Variants in ADGRG3 observed in about 807,000 individuals in gnomAD.
ADGRG3 encodes the protein G protein-coupled receptor 97.
ADGRG3 carries 39 observed loss-of-function variants against 54.3 expected under a neutral mutation model. The ratio of observed to expected loss-of-function variants is 0.72; its 90% CI spans 0.56 to 0.94. ADGRG3 has a LOEUF of 0.94. Among genes scored for constraint, ADGRG3 ranks in the 40% least tolerant of loss-of-function variants. ADGRG3 has a pLI of 0.00. For missense variants in ADGRG3, 654 were observed against 694.6 expected (o/e 0.94, Z 0.66); for synonymous variants, 312 against 290.0 (o/e 1.08, Z -0.77).
intron 2 of ADGRG3, among the ~76,000 whole-genome samples, 158 bp from the exon 3 acceptor site, chr16:57,676,042 G>A (rs554617585): frequency 1.3e-4 from 20 of 152,332 alleles, no homozygotes; most frequent in African/African-American, 4.3e-4. Context: ...TTCTGCAGGA[G>A]CAGCCTGGAC....
rs564495973 is a variant in ADGRG3, at chr16:57,682,667, C to T, written c.882-1265C>T. The stretch of plus-strand genomic sequence containing the variant: ...CCCAGATGCTCCTCCAGGAAGCCCC[C>T]GGCTCCCCTCCCTCGGCTGAGAGCC... On this transcript the variant is annotated intron_variant, in intron 8 of 11. Transcript: ENST00000333493. The T allele has an allele frequency of 2.4e-5, 24 of 981,202 alleles. No homozygotes were observed. In the East Asian group the frequency reaches 3.4e-4, roughly 14 times the overall value. The allele number at this position is 981,202 out of a possible 1,614,324, so 60.8% of individuals were successfully genotyped here. A position where few individuals can be genotyped will look rare whatever the true frequency, so the allele number is the denominator to read the frequency against.
At chr16:57,678,574 G>A (rs1567856014) in intron 4 of ADGRG3, 2 of 539,006 alleles carry the variant, frequency 3.7e-6, no homozygotes, top group Non-Finnish European at 6.7e-6. Context: ...TATGTGTCCT[G>A]TGGGTGCTCG....
In ADGRG3 at chr16:57,676,216, G is replaced by A. The variant is rs376068078; in HGVS notation, c.223G>A (p.Glu75Lys). ...ENLQRYWLNY[E>K]AHLMKEGLTQ... ...CCTTTGCAGATACTGGCTAAACTAC[G>A]AGGCCCATCTGATGAAGGAAGGTTT... Residue 75 changes from glutamate (E) to lysine (K), a missense_variant, in exon 3 of 12, where the codon GAG becomes AAG. By Grantham distance (56) the Glu-to-Lys change is moderately conservative. Coordinates refer to ENST00000333493, the MANE Select transcript of ADGRG3 (RefSeq NM_170776.5). 9 of 1,613,948 alleles carry A rather than the reference G, an allele frequency of 5.6e-6. No individual in the cohort carries two copies. The East Asian group carries it at 6.7e-5, about 12-fold the overall frequency.
intron 9 of ADGRG3, 64 bp downstream of exon 9, chr16:57,684,276 T>C: frequency 2.5e-6 from 4 of 1,582,170 alleles, no homozygotes; most frequent in Non-Finnish European, 3.4e-6. Flanking sequence ...GAAATAGCCT[T>C]GGGGAGAGAG....
chr16:57,680,936 G>A (rs2048356541), intron 8 of ADGRG3, among the ~76,000 whole-genome samples: 1 of 152,166 alleles, frequency 6.6e-6, no homozygotes, highest in Admixed American at 6.6e-5. Context: ...GATCCAGGGG[G>A]TCAAAAGAGG....
At chr16:57,686,437 C>T (rs542052002) in intron 11 of ADGRG3, among the ~76,000 whole-genome samples, 1 of 149,362 alleles carries the variant, frequency 6.7e-6, no homozygotes, top group Non-Finnish European at 1.5e-5. Flanking sequence ...CCAATCTCCT[C>T]CCCTCAGGCC....
intron 1 of ADGRG3, among the ~76,000 whole-genome samples, chr16:57,669,286 T>A (rs985122830): frequency 1.3e-5 from 2 of 152,248 alleles, no homozygotes; most frequent in Non-Finnish European, 2.9e-5. Flanking sequence ...TCAACTTATT[T>A]GGTCTTCAAA....
chr16:57,689,287 A>T lies in ADGRG3; in HGVS notation c.*826A>T, dbSNP rs1392234727. On this transcript the variant is annotated 3_prime_UTR_variant, in exon 12 of 12. Transcript: ENST00000333493. ...ACTAGGACCTGAGCTCCTAGAGAAC[A>T]AGGACCTGGGTGGCCTCGCTTACTG... The T allele has an allele frequency of 6.4e-6, 1 of 155,530 alleles. No individual in the cohort carries two copies. Among genetic ancestry groups the T allele is most frequent in the East Asian group, 1.9e-4 (1 of 5,216 alleles). The allele number at this position is 155,530 out of a possible 1,614,324, so 9.6% of individuals were successfully genotyped here.
Position 57,671,642 on chromosome 16 carries a change from C to T in ADGRG3, c.59-1679C>T, listed in dbSNP as rs568244111. ...GAGTCACCGCACTCAGCCTTCCTGG[C>T]GGTGTTTTAAAGCACATACAGTTAG... On this transcript the variant is annotated intron_variant, in intron 1 of 11. Transcript: ENST00000333493. Among the ~76,000 whole-genome samples the T allele has an allele frequency of 1.8e-4, 28 of 152,092 alleles. No homozygotes were observed. The South Asian group carries it at 1.9e-3, about 10-fold the overall frequency.
chr16:57,676,472 T>C, intron 3 of ADGRG3, 134 bp downstream of exon 3: 1 of 782,336 alleles, frequency 1.3e-6, no homozygotes, highest in East Asian at 2.6e-5. Flanking sequence ...TTGGCAGAGC[T>C]GCGTCTGTAA....
Position 57,685,852 on chromosome 16 carries a change from C to T in ADGRG3, c.1466C>T (p.Thr489Ile). 1.2e-6 allele frequency: 2 copies of T among 1,614,128 alleles called. No homozygotes were observed. The highest frequency in any genetic ancestry group is 1.7e-6 in the Non-Finnish European group (2 of 1,179,992). The change falls in exon 11 of 12, where the codon ACA (threonine) becomes ATA (isoleucine). Residue 489 changes from threonine to isoleucine, a missense_variant. Transcript: ENST00000333493. ...LLGLSSLVGV[T>I]WGLAIFTPLG... ...GGCCTCTCGAGCCTGGTGGGTGTGA[C>T]ATGGGGGTTGGCCATCTTCACCCCG...
Position 57,684,148 on chromosome 16 carries a change from C to A in ADGRG3, c.1098C>A (p.Leu366=). 6.2e-7 allele frequency: 1 copy of A among 1,614,010 alleles called. No individual in the cohort carries two copies. Among genetic ancestry groups the A allele is most frequent in the Non-Finnish European group, 8.5e-7 (1 of 1,179,962 alleles). The part of the protein sequence containing the change: ...MGLEAFHLYL[L]AVRVFNTYFG... ...TTGAAGCCTTCCACCTCTACCTGCT[C>A]GCTGTCAGGGTCTTCAACACCTACT... The change falls in exon 9 of 12, where the codon CTC becomes CTA. Residue 366 remains leucine (L), a synonymous_variant. Coordinates refer to ENST00000333493, the MANE Select transcript of ADGRG3 (RefSeq NM_170776.5).
At chr16:57,668,938 T>C (rs2048101498) in intron 1 of ADGRG3, among the ~76,000 whole-genome samples, 1 of 152,020 alleles carries the variant, frequency 6.6e-6, no homozygotes, top group African/African-American at 2.4e-5. Flanking sequence ...GGATCCACAC[T>C]CCTCCCCGTC....
chr16:57,678,602 C>T (rs1345330586), intron 4 of ADGRG3: 5 of 487,436 alleles, frequency 1.0e-5, no homozygotes, highest in African/African-American at 3.8e-5. Context: ...TGTGTGTCCT[C>T]GTGCATGCAC....
chr16:57,673,711 GACAGAC>G (rs1249510468), intron 2 of ADGRG3, among the ~76,000 whole-genome samples: 3 of 152,148 alleles, frequency 2.0e-5, no homozygotes, highest in Non-Finnish European at 4.4e-5. Context: ...GTTGTGGAAT[GACAGAC>G]ACAGACCCAA....
intron 2 of ADGRG3, among the ~76,000 whole-genome samples, chr16:57,674,908 A>T (rs1250086909): frequency 6.8e-6 from 1 of 146,632 alleles, no homozygotes; most frequent in African/African-American, 2.5e-5. Context: ...AGGTGGGAGA[A>T]TTGCTTGAAC....
At chr16:57,679,907 C>A in intron 6 of ADGRG3, 52 bp downstream of exon 6, 2 of 1,451,468 alleles carry the variant, frequency 1.4e-6, no homozygotes, top group Non-Finnish European at 1.9e-6. Context: ...AGGGTATGGG[C>A]TGCATTGTGG....
rs1367701131 is a variant in ADGRG3, at chr16:57,684,124, T to C, written c.1074T>C (p.Leu358=). 6.2e-7 allele frequency: 1 copy of C among 1,613,960 alleles called. No homozygotes were observed. Among genetic ancestry groups the C allele is most frequent in the Non-Finnish European group, 8.5e-7 (1 of 1,179,970 alleles). Residue 358 remains leucine, a synonymous_variant, in exon 9 of 12, where the codon CTT becomes CTC. Transcript: ENST00000333493. The part of the protein sequence containing the change: ...FLLCAFTWMG[L]EAFHLYLLAV... ...TCTGTGCCTTCACCTGGATGGGCCTTGAAGCCTTCCACCTCTACCTGCTCG... is the reference window on the plus strand; with the variant it reads ...TCTGTGCCTTCACCTGGATGGGCCTCGAAGCCTTCCACCTCTACCTGCTCG...
At chr16:57,686,215 C>T (rs1434764974) in intron 11 of ADGRG3, among the ~76,000 whole-genome samples, 1 of 152,114 alleles carries the variant, frequency 6.6e-6, no homozygotes, top group East Asian at 1.9e-4. Context: ...AAGCACAACA[C>T]CAGTATCTGC....
Sources: gnomAD v4.1 joint callset for allele counts (sites outside exome capture counted in the v4.1 genomes callset) on GRCh38, gnomAD v4.1.1 for gene constraint, MANE v1.5 for transcripts, NCBI Gene and HGNC (gene_info 2026-07-23, HGNC 2026-07-21) for gene names.